Variants in RAI1 observed in about 807,000 individuals in gnomAD.
RAI1 encodes the protein retinoic acid induced 1.
RAI1 carries 9 observed loss-of-function variants against 123.8 expected under a neutral mutation model. The observed-to-expected ratio is 0.07, with a 90% CI of 0.04 to 0.13. The LOEUF is 0.13. Among genes scored for constraint, RAI1 ranks in the 10% least tolerant of loss-of-function variants. The pLI is 1.00. For missense variants in RAI1, 2,256 were observed against 2,545.8 expected (o/e 0.89, Z 2.45); for synonymous variants, 1,231 against 1,127.3 (o/e 1.09, Z -1.84).
intron 2 of RAI1, among the ~76,000 whole-genome samples, chr17:17,767,005 A>G (rs1470230474): frequency 2.6e-5 from 4 of 152,060 alleles, no homozygotes; most frequent in African/African-American, 9.7e-5. Flanking sequence ...GGCAGGGACC[A>G]GTGAGGGCCA....
intron 2 of RAI1, chr17:17,766,199 G>A (rs1399715211): frequency 2.0e-5 from 3 of 152,166 alleles, no homozygotes; most frequent in East Asian, 1.9e-4. Context: ...TGGCCTAGTT[G>A]TTACTTTGGC....
intron 2 of RAI1, among the ~76,000 whole-genome samples, chr17:17,731,028 G>T (rs2142947887): frequency 6.6e-6 from 1 of 152,338 alleles, no homozygotes; most frequent in Non-Finnish European, 1.5e-5. Context: ...CTCTGCAGGA[G>T]CTGGGAACTG....
chr17:17,703,863 GA>G (rs1190532721), intron 1 of RAI1, among the ~76,000 whole-genome samples: 12 of 152,178 alleles, frequency 7.9e-5, no homozygotes, highest in Non-Finnish European at 1.3e-4. Flanking sequence ...ACTCTGCCCA[GA>G]ACCTTCGTCT....
chr17:17,796,436 C>T lies in RAI1; in HGVS notation c.3488C>T (p.Pro1163Leu). The change falls in exon 3 of 6, where the codon CCC (proline) becomes CTC (leucine). Residue 1163 changes from proline (P) to leucine (L), a missense_variant. Around this residue, in one of 7 missense-constraint regions of RAI1, gnomAD observed 322 missense variants for 358.0 expected, o/e 0.90. Transcript: ENST00000353383. This position sits in a 1 kb window ranked among gnomAD's most constrained non-coding sequence, Gnocchi z 5.8. Reference protein sequence around the residue: ...QEIFHSKRRRPSEGRLPNCRA... With the variant: ...QEIFHSKRRRLSEGRLPNCRA... ...ATCTTCCACTCCAAGCGGCGGAGGC[C>T]CTCTGAGGGCCGGCTCCCCAACTGC... The T allele has an allele frequency of 1.2e-6, 2 of 1,613,280 alleles. No homozygotes were observed. Among genetic ancestry groups the T allele is most frequent in the Admixed American group, 1.7e-5 (1 of 60,024 alleles).
At chr17:17,686,499 C>A (rs1307553374) in intron 1 of RAI1, among the ~76,000 whole-genome samples, 2 of 148,118 alleles carry the variant, frequency 1.4e-5, no homozygotes, top group Non-Finnish European at 3.0e-5. Context: ...GGGTGGGAGG[C>A]AGGGCTTGGA....
chr17:17,777,961 G>C (rs978246507), intron 2 of RAI1: 1 of 152,232 alleles, frequency 6.6e-6, no homozygotes. Flanking sequence ...GGTGCTCCTT[G>C]GACAGGACAA....
chr17:17,715,747 A>G (rs568128682), intron 1 of RAI1, among the ~76,000 whole-genome samples: 11 of 152,158 alleles, frequency 7.2e-5, no homozygotes, highest in East Asian at 5.8e-4. Flanking sequence ...TTTCCATTCA[A>G]AGTTTCCCCT....
intron 2 of RAI1, among the ~76,000 whole-genome samples, chr17:17,758,899 G>T (rs2030564426): frequency 6.6e-6 from 1 of 152,202 alleles, no homozygotes; most frequent in African/African-American, 2.4e-5. Context: ...TGGATTACAG[G>T]CTGACCTGTT....
chr17:17,793,011 G>T lies in RAI1; in HGVS notation c.63G>T (p.Ser21=), dbSNP rs749158649. Residue 21 remains serine (S), a synonymous_variant, in exon 3 of 6, where the codon TCG becomes TCT. Coordinates refer to ENST00000353383, the MANE Select transcript of RAI1 (RefSeq NM_030665.4). ...HGKQQNYQQT[S]QETSRLENYR... ...AACAACAGAACTACCAGCAGACCTC[G>T]CAGGAAACATCACGCCTAGAGAATT... 4 of 1,613,978 alleles carry T rather than the reference G, an allele frequency of 2.5e-6. No individual in the cohort carries two copies. Among genetic ancestry groups the T allele is most frequent in the Non-Finnish European group, 3.4e-6 (4 of 1,179,980 alleles).
At chr17:17,769,405 GC>G (rs2031060712) in intron 2 of RAI1, among the ~76,000 whole-genome samples, 2 of 152,214 alleles carry the variant, frequency 1.3e-5, no homozygotes, top group South Asian at 4.1e-4. Flanking sequence ...AGCATGTGGG[GC>G]TGGGAGCCAG....
At chr17:17,783,855 A>G (rs2031720142) in intron 2 of RAI1, among the ~76,000 whole-genome samples, 1 of 151,882 alleles carries the variant, frequency 6.6e-6, no homozygotes, top group South Asian at 2.1e-4. Context: ...CGTTTCAATT[A>G]CCCTAAGTAG....
At chr17:17,752,405 G>A (rs1206062426) in intron 2 of RAI1, among the ~76,000 whole-genome samples, 1 of 152,144 alleles carries the variant, frequency 6.6e-6, no homozygotes, top group African/African-American at 2.4e-5. Context: ...GGCTGGTCTT[G>A]TACTGGCGCG....
intron 2 of RAI1, among the ~76,000 whole-genome samples, chr17:17,786,902 T>C (rs2031844767): frequency 6.6e-6 from 1 of 152,166 alleles, no homozygotes; most frequent in Non-Finnish European, 1.5e-5. Flanking sequence ...GGAGAAACCC[T>C]GTCTCTACTA....
chr17:17,776,093 G>A (rs2031333759), intron 2 of RAI1, among the ~76,000 whole-genome samples: 1 of 152,220 alleles, frequency 6.6e-6, no homozygotes, highest in Non-Finnish European at 1.5e-5. Flanking sequence ...CGTAAAATGG[G>A]AGGCTGATCC....
In RAI1 at chr17:17,797,295, G is replaced by A; in HGVS notation, c.4347G>A (p.Arg1449=). ...GTALAPKKRS[R]KGRAGAHGLS... is the part of the protein sequence containing the mutation. ...CCCTGGCGCCTAAGAAGAGGAGCCG[G>A]AAAGGCCGGGCAGGGGCCCATGGAC... The change falls in exon 3 of 6, where the codon CGG becomes CGA. Residue 1449 remains arginine (R), a synonymous_variant. Coordinates refer to ENST00000353383, the MANE Select transcript of RAI1 (RefSeq NM_030665.4). 1.2e-6 allele frequency: 2 copies of A among 1,612,798 alleles called. No individual in the cohort carries two copies. The highest frequency in any genetic ancestry group is 1.7e-6 in the Non-Finnish European group (2 of 1,179,982).
chr17:17,760,544 C>T (rs191137021), intron 2 of RAI1, among the ~76,000 whole-genome samples: 30 of 152,312 alleles, frequency 2.0e-4, no homozygotes, highest in Admixed American at 5.2e-4. Flanking sequence ...GGGCCCCTGA[C>T]GTCCAACGTC....
chr17:17,779,411 C>T (rs1166874973), intron 2 of RAI1: 10 of 161,558 alleles, frequency 6.2e-5, no homozygotes, highest in Admixed American at 2.4e-4. Flanking sequence ...GCCAGGACAG[C>T]GTGGGCCCCA....
At chr17:17,694,822 C>T (rs1914962829) in intron 1 of RAI1, among the ~76,000 whole-genome samples, 1 of 150,964 alleles carries the variant, frequency 6.6e-6, no homozygotes, top group African/African-American at 2.4e-5. Flanking sequence ...CTTCGCGGGG[C>T]CGCGGGGCGG....
At chr17:17,728,532 G>A (rs942018851) in intron 2 of RAI1, among the ~76,000 whole-genome samples, 7 of 152,198 alleles carry the variant, frequency 4.6e-5, no homozygotes, top group African/African-American at 9.7e-5. Context: ...CACAGCCCAC[G>A]GAGGGGAGCA....
Sources: allele counts gnomAD v4.1 joint callset (sites outside exome capture counted in the v4.1 genomes callset), GRCh38; gene constraint gnomAD v4.1.1; regional missense constraint gnomAD v4.1.1; non-coding constraint Gnocchi (gnomAD v3.1); transcripts MANE v1.5; gene names NCBI Gene and HGNC (gene_info 2026-07-23, HGNC 2026-07-21).